The following CEP126 variants were observed in gnomAD, a reference collection of about 807,000 sequenced individuals.
CEP126 encodes the protein centrosomal protein 126.
A neutral mutation model predicts 107.8 loss-of-function variants in CEP126; 74 were observed. The ratio of observed to expected loss-of-function variants is 0.69; its 90% CI spans 0.57 to 0.83. CEP126 has a LOEUF of 0.83. CEP126 is among the 40% of genes least tolerant of loss of function. CEP126 has a pLI of 0.00. For synonymous variants in CEP126, 449 were observed against 446.0 expected (o/e 1.01, Z -0.08); for missense variants, 1,237 against 1,281.9 (o/e 0.96, Z 0.53).
Position 101,963,275 on chromosome 11 carries a change from G to A in CEP126, c.2240G>A (p.Gly747Asp). 1 of 1,613,966 alleles carries A rather than the reference G, an allele frequency of 6.2e-7. No individual in the cohort carries two copies. Among genetic ancestry groups the A allele is most frequent in the Non-Finnish European group, 8.5e-7 (1 of 1,179,984 alleles). Residue 747 changes from glycine to aspartate, a missense_variant, in exon 6 of 11, where the codon GGT (glycine) becomes GAT (aspartate). By Grantham distance (94) the Gly-to-Asp change is moderately conservative (BLOSUM62 -1). This residue lies in a region of CEP126 where 1,134 missense variants were observed against 1,150.5 expected (regional missense o/e 0.99). Transcript: ENST00000263468. The stretch of plus-strand genomic sequence containing the variant: ...CATGATGATTCTAAAACTAAGCAAG[G>A]TAAGCCACAAAGAGGTAGAGCAAAA... The part of the protein sequence containing the change: ...PVHDDSKTKQ[G>D]KPQRGRAKII...
intron 4 of CEP126, among the ~76,000 whole-genome samples, chr11:101,951,231 T>C (rs900530096): frequency 2.0e-5 from 3 of 152,112 alleles, no homozygotes; most frequent in African/African-American, 7.2e-5. Context: ...AGGCTGGGCA[T>C]AGTGGCCCAC....
intron 1 of CEP126, among the ~76,000 whole-genome samples, chr11:101,919,599 A>G (rs533569338): frequency 4.1e-4 from 63 of 152,270 alleles, no homozygotes; most frequent in African/African-American, 1.4e-3. Context: ...CATATTTGAA[A>G]TGATACAAAA....
intron 1 of CEP126, among the ~76,000 whole-genome samples, chr11:101,921,819 T>C (rs12791693): frequency 0.48 from 54,113 of 111,708 alleles, 14,513 homozygotes; most frequent in East Asian, 0.76. Flanking sequence ...GAGTTTCGCT[T>C]TTGTTGCCCA....
intron 2 of CEP126, among the ~76,000 whole-genome samples, chr11:101,942,713 TG>T (rs565037111): frequency 2.0e-5 from 3 of 152,092 alleles, no homozygotes; most frequent in African/African-American, 7.2e-5. Flanking sequence ...CTTTGAGTAG[TG>T]TTGTCATCTT....
intron 9 of CEP126, among the ~76,000 whole-genome samples, chr11:101,990,566 G>A (rs1189582303): frequency 1.3e-5 from 2 of 152,144 alleles, no homozygotes; most frequent in African/African-American, 4.8e-5. Flanking sequence ...AGAAGGCAAA[G>A]TTAACTGTCA....
intron 2 of CEP126, among the ~76,000 whole-genome samples, chr11:101,924,600 G>A (rs998595490): frequency 2.0e-5 from 3 of 152,052 alleles, no homozygotes; most frequent in African/African-American, 7.2e-5. Flanking sequence ...CGAATAGCTG[G>A]GATTACAGGC....
intron 5 of CEP126, among the ~76,000 whole-genome samples, chr11:101,959,423 G>C (rs935210814): frequency 2.0e-5 from 3 of 152,110 alleles, no homozygotes; most frequent in African/African-American, 7.2e-5. Flanking sequence ...AAAATGCTGG[G>C]ATTACAGGCA....
chr11:101,946,677 T>C (rs1288043677), intron 3 of CEP126, among the ~76,000 whole-genome samples: 1 of 151,828 alleles, frequency 6.6e-6, no homozygotes, highest in Admixed American at 6.6e-5. Flanking sequence ...CTGGCCAACA[T>C]GGTGAAACCC....
At chr11:101,932,195 G>A (rs1940510486) in intron 2 of CEP126, among the ~76,000 whole-genome samples, 1 of 152,106 alleles carries the variant, frequency 6.6e-6, no homozygotes, top group Admixed American at 6.6e-5. Flanking sequence ...AAGGAACTCT[G>A]TAAATAGTCA....
In CEP126 at chr11:101,962,981, T is replaced by C; in HGVS notation, c.1946T>C (p.Leu649Pro). The change falls in exon 6 of 11, where the codon CTG (leucine) becomes CCG (proline). Residue 649 changes from leucine to proline, a missense_variant. Physicochemically the swap from Leu to Pro is moderately conservative, Grantham distance 98. Transcript: ENST00000263468. ...IENNAENSHS[L>P]KNKTGTTQQH... ...AACAATGCTGAAAACAGTCATTCAC[T>C]GAAGAATAAAACAGGAACAACTCAA... 6.2e-7 allele frequency: 1 copy of C among 1,612,914 alleles called. No individual in the cohort carries two copies.
At chr11:101,956,805 C>G (rs750518060) in intron 4 of CEP126, 3 of 439,470 alleles carry the variant, frequency 6.8e-6, no homozygotes, top group Non-Finnish European at 9.1e-6. Flanking sequence ...CCTTCTGTTT[C>G]TACCTCCCCA....
intron 9 of CEP126, among the ~76,000 whole-genome samples, chr11:101,992,153 T>A (rs866167169): frequency 8.7e-4 from 111 of 127,596 alleles, no homozygotes; most frequent in East Asian, 2.1e-3. Context: ...AAACTATTTT[T>A]AAAAAAAAAT....
At chr11:101,941,911 G>A (rs1244370579) in intron 2 of CEP126, among the ~76,000 whole-genome samples, 1 of 152,072 alleles carries the variant, frequency 6.6e-6, no homozygotes, top group Non-Finnish European at 1.5e-5. Flanking sequence ...ATGATGTTGA[G>A]CATCTTTTCA....
At position 101,935,105 on chromosome 11, in the gene CEP126, GT is replaced by G. The variant is rs367922445; in HGVS notation, c.249-9156del. On this transcript the variant is annotated intron_variant, in intron 2 of 10. Coordinates refer to ENST00000263468, the MANE Select transcript of CEP126 (RefSeq NM_020802.4). ...ATATACTAAGAATAAATTGAGTTTA[GT>G]TTTCACTTGCCTGATGTGCCATTCA... Among the ~76,000 whole-genome samples, 1,226 of 151,978 alleles carry G rather than the reference GT, an allele frequency of 8.1e-3. 21 individuals are homozygous for G. Among genetic ancestry groups the G allele is most frequent in the African/African-American group, 0.028 (1,163 of 41,500 alleles).
chr11:101,963,040 G>C lies in CEP126; in HGVS notation c.2005G>C (p.Ala669Pro), dbSNP rs528080842. ...HSQQFHIQSG[A>P]GSNIISVSTC... ...TCAACAATTCCACATTCAAAGTGGTGCTGGAAGCAACATAATTAGTGTTTC... is the reference window on the plus strand; with the variant it reads ...TCAACAATTCCACATTCAAAGTGGTCCTGGAAGCAACATAATTAGTGTTTC... The change falls in exon 6 of 11, where the codon GCT becomes CCT. Residue 669 changes from alanine to proline, a missense_variant. Ala to Pro is a conservative substitution (Grantham distance 27). Coordinates refer to ENST00000263468, the MANE Select transcript of CEP126 (RefSeq NM_020802.4). The C allele has an allele frequency of 6.2e-7, 1 of 1,614,088 alleles. No individual in the cohort carries two copies. Among genetic ancestry groups the C allele is most frequent in the East Asian group, 2.2e-5 (1 of 44,872 alleles).
At chr11:101,971,933 AC>A (rs1189015699) in intron 6 of CEP126, among the ~76,000 whole-genome samples, 2 of 151,770 alleles carry the variant, frequency 1.3e-5, no homozygotes, top group Admixed American at 6.6e-5. Context: ...ACATGGTGAA[AC>A]CCCGTCTCTA....
intron 4 of CEP126, chr11:101,956,892 G>T (rs1940906914): frequency 5.5e-6 from 2 of 364,374 alleles, no homozygotes; most frequent in South Asian, 2.1e-5. Context: ...GAAGAAAGTG[G>T]AGTAGAGAAG....
At chr11:101,969,408 G>T (rs1941098250) in intron 6 of CEP126, among the ~76,000 whole-genome samples, 1 of 152,240 alleles carries the variant, frequency 6.6e-6, no homozygotes, top group East Asian at 1.9e-4. Context: ...TACACAGAAG[G>T]CTATAACACT....
At chr11:101,950,736 C>T (rs908450272) in intron 4 of CEP126, among the ~76,000 whole-genome samples, 7 of 152,182 alleles carry the variant, frequency 4.6e-5, no homozygotes, top group African/African-American at 1.7e-4. Context: ...GGAAATAGAA[C>T]TTATTCAGAG....
Sources: gnomAD v4.1 joint callset for allele counts (sites outside exome capture counted in the v4.1 genomes callset) on GRCh38, gnomAD v4.1.1 for gene constraint, gnomAD v4.1.1 regional missense constraint, MANE v1.5 for transcripts, NCBI Gene and HGNC (gene_info 2026-07-23, HGNC 2026-07-21) for gene names.